The following STT3B variants were observed in gnomAD, a reference collection of about 807,000 sequenced individuals.
The protein encoded by STT3B is STT3 oligosaccharyltransferase complex catalytic subunit B.
Under a neutral mutation model 96.8 loss-of-function variants are expected in STT3B, and 29 were observed. That is an observed-to-expected ratio of 0.30 (90% CI 0.22 to 0.41). The LOEUF is 0.41. STT3B is among the 10% of genes least tolerant of loss of function. The probability of loss-of-function intolerance (pLI) is 1.00; values close to 1 mark genes in which losing one functional copy is unlikely to be tolerated. For missense variants in STT3B, 640 were observed against 1,022.3 expected (o/e 0.63, Z 5.10); for synonymous variants, 367 against 360.0 (o/e 1.02, Z -0.22).
intron 1 of STT3B, among the ~76,000 whole-genome samples, chr3:31,555,059 A>T: frequency 6.6e-6 from 1 of 152,112 alleles, no homozygotes; most frequent in East Asian, 1.9e-4. Context: ...ACCATTCCAG[A>T]CATATAAGAA....
chr3:31,581,506 A>G (rs189657095), intron 3 of STT3B, among the ~76,000 whole-genome samples: 109 of 152,310 alleles, frequency 7.2e-4, no homozygotes, highest in Non-Finnish European at 1.2e-3. Context: ...TACCATTTGC[A>G]TTTTTTAATT....
At chr3:31,576,864 A>G (rs571738418) in intron 2 of STT3B, among the ~76,000 whole-genome samples, 1 of 152,294 alleles carries the variant, frequency 6.6e-6, no homozygotes, top group South Asian at 2.1e-4. Context: ...AATAATCATG[A>G]TAATTATATA....
intron 3 of STT3B, among the ~76,000 whole-genome samples, chr3:31,595,780 G>T (rs1213750453): frequency 6.6e-6 from 1 of 152,102 alleles, no homozygotes; most frequent in African/African-American, 2.4e-5. Context: ...TTCCATCTGT[G>T]CCTGCTACTG....
At chr3:31,613,436 G>A (rs548637812) in intron 5 of STT3B, among the ~76,000 whole-genome samples, 8 of 152,138 alleles carry the variant, frequency 5.3e-5, no homozygotes, top group Non-Finnish European at 8.8e-5. Flanking sequence ...TTCTAGTTGT[G>A]CCTTTGTGTG....
chr3:31,580,913 C>A (rs1698369919), intron 3 of STT3B, among the ~76,000 whole-genome samples: 1 of 148,830 alleles, frequency 6.7e-6, no homozygotes, highest in African/African-American at 2.5e-5. Context: ...TTTAAAAACT[C>A]TTTGTTTATT....
intron 3 of STT3B, among the ~76,000 whole-genome samples, chr3:31,582,398 C>T (rs1025469517): frequency 1.1e-4 from 17 of 150,622 alleles, no homozygotes; most frequent in Non-Finnish European, 2.2e-4. Context: ...CAGGTTCAAG[C>T]GATTCTCTGC....
chr3:31,541,103 T>C (rs768660083), intron 1 of STT3B, among the ~76,000 whole-genome samples: 4 of 152,230 alleles, frequency 2.6e-5, no homozygotes, highest in Non-Finnish European at 5.9e-5. Flanking sequence ...CTTAAATGTT[T>C]CTATAAACAA....
intron 1 of STT3B, among the ~76,000 whole-genome samples, chr3:31,569,543 TAA>T (rs1698087634): frequency 6.6e-6 from 1 of 152,228 alleles, no homozygotes; most frequent in East Asian, 1.9e-4. Flanking sequence ...AAACCAAAAG[TAA>T]AAGACCATAA....
chr3:31,597,196 G>T (rs960281410), intron 4 of STT3B, among the ~76,000 whole-genome samples: 4 of 152,126 alleles, frequency 2.6e-5, no homozygotes, highest in Admixed American at 6.5e-5. Context: ...GTTTTGCCCT[G>T]TTGCCCAGGC....
intron 9 of STT3B, among the ~76,000 whole-genome samples, chr3:31,620,616 G>C (rs1161871251): frequency 6.6e-6 from 1 of 152,124 alleles, no homozygotes; most frequent in Non-Finnish European, 1.5e-5. Flanking sequence ...TAAATGCCAA[G>C]TATTTAGGGT....
Position 31,622,901 on chromosome 3 carries a change from C to T in STT3B, c.1539+593C>T, listed in dbSNP as rs997842751. On this transcript the variant is annotated intron_variant, in intron 10 of 15. Coordinates refer to ENST00000295770, the MANE Select transcript of STT3B (RefSeq NM_178862.3). ...GAATTAGAGCACTTGTCTTGGATGA[C>T]ATATTAAACTTTGCTATTTGAATAT... 2.0e-5 allele frequency among the ~76,000 whole-genome samples: 3 copies of T among 152,304 alleles called. 1 individual carries two copies.
chr3:31,542,964 G>A lies in STT3B; in HGVS notation c.314+9652G>A, dbSNP rs141863636. On this transcript the variant is annotated intron_variant, in intron 1 of 15. Transcript: ENST00000295770. ...ACCTGTAATCCCAGCTGCTCGAGAG[G>A]CTGGGGCAGGAGAATTGTTTGAGCC... 4.6e-3 allele frequency among the ~76,000 whole-genome samples: 705 copies of A among 151,706 alleles called. 6 individuals are homozygous for A. The highest frequency in any genetic ancestry group is 0.016 in the African/African-American group (643 of 41,334).
intron 1 of STT3B, among the ~76,000 whole-genome samples, chr3:31,553,990 A>G (rs541167498): frequency 3.9e-5 from 6 of 152,302 alleles, no homozygotes; most frequent in Admixed American, 2.6e-4. Flanking sequence ...TTTAAGAAAA[A>G]TATTTGCATT....
intron 5 of STT3B, among the ~76,000 whole-genome samples, chr3:31,607,497 C>G (rs930865853): frequency 2.6e-5 from 4 of 152,034 alleles, no homozygotes; most frequent in Non-Finnish European, 4.4e-5. Context: ...AGGGGAAACT[C>G]CTTTCGCTTG....
At chr3:31,551,899 G>T (rs1697570308) in intron 1 of STT3B, among the ~76,000 whole-genome samples, 1 of 151,496 alleles carries the variant, frequency 6.6e-6, no homozygotes, top group Non-Finnish European at 1.5e-5. Flanking sequence ...ACTACTAACA[G>T]CCTCTATGAT....
chr3:31,561,142 A>T (rs1269930534), intron 1 of STT3B, among the ~76,000 whole-genome samples: 1 of 151,712 alleles, frequency 6.6e-6, no homozygotes, highest in African/African-American at 2.4e-5. Flanking sequence ...TCTCATTCAT[A>T]TCCTGAATTG....
At chr3:31,542,514 A>G (rs1218451203) in intron 1 of STT3B, among the ~76,000 whole-genome samples, 2 of 152,190 alleles carry the variant, frequency 1.3e-5, no homozygotes, top group Non-Finnish European at 2.9e-5. Context: ...TCTTTCTTCA[A>G]ACTCTGTTTA....
intron 1 of STT3B, among the ~76,000 whole-genome samples, chr3:31,555,775 A>G (rs1697691133): frequency 6.6e-6 from 1 of 152,154 alleles, no homozygotes; most frequent in African/African-American, 2.4e-5. Context: ...TTATTGATAT[A>G]TAATATTTTA....
At chr3:31,552,503 C>T (rs1697586050) in intron 1 of STT3B, among the ~76,000 whole-genome samples, 1 of 151,914 alleles carries the variant, frequency 6.6e-6, no homozygotes, top group Non-Finnish European at 1.5e-5. Context: ...ATACTTACTA[C>T]ATTGCTTTCT....
Sources: gnomAD v4.1 joint callset for allele counts (sites outside exome capture counted in the v4.1 genomes callset) on GRCh38, gnomAD v4.1.1 for gene constraint, MANE v1.5 for transcripts, NCBI Gene and HGNC (gene_info 2026-07-23, HGNC 2026-07-21) for gene names.